The following INTU variants were observed in gnomAD, a reference collection of about 807,000 sequenced individuals.
The protein encoded by INTU is protein inturned.
INTU carries 68 observed loss-of-function variants against 100.5 expected under a neutral mutation model. The observed-to-expected ratio is 0.68, with a 90% CI of 0.56 to 0.83. The LOEUF is 0.83. Among genes scored for constraint, INTU ranks in the 40% least tolerant of loss-of-function variants. The pLI, the probability that INTU is intolerant of heterozygous loss-of-function variation, is 0.00. For synonymous variants in INTU, 357 were observed against 395.7 expected, an observed-to-expected ratio of 0.90 and a Z score of 1.16; for missense variants, 1,071 against 1,114.7, an observed-to-expected ratio of 0.96 and a Z score of 0.56.
rs1490156899 is a variant in INTU, at chr4:127,726,511, A to C, written c.*10075A>C. ...CTAAATCATACCTGCTACTGTACAA[A>C]ATGTAGGGGAAAAGCTGAGAAAAAT... On this transcript the variant is annotated 3_prime_UTR_variant, in exon 16 of 16. Coordinates refer to ENST00000335251, the MANE Select transcript of INTU (RefSeq NM_015693.4). 1 of 152,206 alleles carries C rather than the reference A, an allele frequency of 6.6e-6. No homozygotes were observed. Among genetic ancestry groups the C allele is most frequent in the East Asian group, 1.9e-4 (1 of 5,198 alleles). The allele number at this position is 152,206 out of a possible 1,614,324, so 9.4% of individuals were successfully genotyped here.
intron 3 of INTU, 97 bp downstream of exon 3, chr4:127,656,818 C>T: frequency 3.0e-6 from 2 of 662,358 alleles, no homozygotes; most frequent in Non-Finnish European, 2.5e-6. Context: ...TGAAAAGTAT[C>T]ATGTATAATG....
chr4:127,704,273 T>A lies in INTU; in HGVS notation c.1549T>A (p.Ser517Thr). The change falls in exon 10 of 16, where the codon TCT (serine) becomes ACT (threonine). Residue 517 changes from serine to threonine, a missense_variant. Ser to Thr is a moderately conservative substitution (Grantham distance 58). Coordinates refer to ENST00000335251, the MANE Select transcript of INTU (RefSeq NM_015693.4). ...GAGGCGGCTGTATACAATTTTGGGG[T>A]CTTCTCTATTTTACAAGGTAAGTTG... ...DMRRLYTILG[S>T]SLFYKGYLIC... The A allele has an allele frequency of 6.2e-7, 1 of 1,610,092 alleles. No homozygotes were observed. Among genetic ancestry groups the A allele is most frequent in the Non-Finnish European group, 8.5e-7 (1 of 1,177,814 alleles).
intron 6 of INTU, 63 bp from the exon 7 acceptor site, chr4:127,684,346 T>C: frequency 1.1e-6 from 1 of 896,366 alleles, no homozygotes; most frequent in Non-Finnish European, 1.8e-6. Flanking sequence ...GATGATCTAC[T>C]TCTTTTAGAT....
intron 6 of INTU, among the ~76,000 whole-genome samples, chr4:127,677,873 T>G (rs1729304927): frequency 6.6e-6 from 1 of 152,152 alleles, no homozygotes; most frequent in Non-Finnish European, 1.5e-5. Context: ...GATGAATGTA[T>G]AACTAGAATA....
chr4:127,643,785 A>C lies in INTU; in HGVS notation c.411A>C (p.Gly137=), dbSNP rs1297706144. ...RCNKKNSNDN[G]PVSILKHQSN... The stretch of plus-strand genomic sequence containing the variant: ...ATAAAAAAAATAGCAATGACAATGG[A>C]CCAGTATCCATTCTAAAGCATCAGT... The change falls in exon 2 of 16, where the codon GGA becomes GGC. Residue 137 remains glycine (G), a synonymous_variant. Coordinates refer to ENST00000335251, the MANE Select transcript of INTU (RefSeq NM_015693.4). 3.7e-6 allele frequency: 6 copies of C among 1,614,008 alleles called. No homozygotes were observed. The African/African-American group carries it at 6.7e-5, about 18-fold the overall frequency.
intron 8 of INTU, among the ~76,000 whole-genome samples, chr4:127,696,567 CT>C (rs1730395816): frequency 6.6e-6 from 1 of 150,806 alleles, no homozygotes; most frequent in Non-Finnish European, 1.5e-5. Context: ...TGTGTCCTCT[CT>C]ATTTTTATCT....
chr4:127,710,468 A>G (rs1215059956), intron 13 of INTU, among the ~76,000 whole-genome samples: 1 of 152,186 alleles, frequency 6.6e-6, no homozygotes, highest in African/African-American at 2.4e-5. Flanking sequence ...CTTTAATGCT[A>G]CTAACTTAAA....
chr4:127,704,850 G>A (rs910780154), intron 10 of INTU, among the ~76,000 whole-genome samples: 1 of 151,976 alleles, frequency 6.6e-6, no homozygotes, highest in Admixed American at 6.6e-5. Flanking sequence ...CACTTTGGGG[G>A]GCCGAGGCAG....
chr4:127,644,260 G>A (rs1228964056), intron 2 of INTU, among the ~76,000 whole-genome samples: 1 of 152,170 alleles, frequency 6.6e-6, no homozygotes, highest in African/African-American at 2.4e-5. Flanking sequence ...AGTGTGTTGA[G>A]TATGTGTGTG....
chr4:127,642,981 G>A (rs1489208578), intron 1 of INTU, among the ~76,000 whole-genome samples: 1 of 152,044 alleles, frequency 6.6e-6, no homozygotes, highest in East Asian at 1.9e-4. Context: ...ATGGTGAAGT[G>A]AATGTTTCTT....
In INTU at chr4:127,643,757, G is replaced by A; in HGVS notation, c.383G>A (p.Cys128Tyr). 6.2e-7 allele frequency: 1 copy of A among 1,612,886 alleles called. No individual in the cohort carries two copies. The highest frequency in any genetic ancestry group is 2.2e-5 in the East Asian group (1 of 44,878). ...LRRKRLLPKR[C>Y]NKKNSNDNGP... ...AGGAAAAGACTTTTACCCAAGCGCT[G>A]CAATAAAAAAAATAGCAATGACAAT... Residue 128 changes from cysteine to tyrosine, a missense_variant, in exon 2 of 16, where the codon TGC becomes TAC. Cys to Tyr is a radical substitution (Grantham distance 194). Coordinates refer to ENST00000335251, the MANE Select transcript of INTU (RefSeq NM_015693.4).
At chr4:127,703,116 C>T (rs1730720572) in intron 9 of INTU, among the ~76,000 whole-genome samples, 1 of 152,124 alleles carries the variant, frequency 6.6e-6, no homozygotes, top group Non-Finnish European at 1.5e-5. Context: ...CTGGCTTTAA[C>T]TTAGCATAAA....
chr4:127,690,744 G>A (rs530339616), intron 8 of INTU, among the ~76,000 whole-genome samples: 9 of 152,062 alleles, frequency 5.9e-5, no homozygotes, highest in South Asian at 2.1e-4. Flanking sequence ...GATTTCCCAC[G>A]TACCCCCTTC....
intron 8 of INTU, among the ~76,000 whole-genome samples, chr4:127,696,068 A>G (rs973862260): frequency 6.6e-6 from 1 of 152,012 alleles, no homozygotes; most frequent in Admixed American, 6.6e-5. Flanking sequence ...ATTTCTTTTT[A>G]GACATTGTTG....
intron 15 of INTU, 69 bp downstream of exon 15, chr4:127,714,162 T>G (rs1251350051): frequency 2.3e-6 from 3 of 1,284,118 alleles, no homozygotes; most frequent in African/African-American, 3.0e-5. Flanking sequence ...TAAAGGAGAT[T>G]AACATTTTAA....
In INTU at chr4:127,721,013, T is replaced by G. The variant is rs578085678; in HGVS notation, c.*4577T>G. On this transcript the variant is annotated 3_prime_UTR_variant, in exon 16 of 16. Transcript: ENST00000335251. ...ATGTGTGAATTTTATCCTGACATCATGATGCTAGTTGATTATTTTGCAGAC... is the reference window on the plus strand; with the variant it reads ...ATGTGTGAATTTTATCCTGACATCAGGATGCTAGTTGATTATTTTGCAGAC... 1 of 152,330 alleles carries G rather than the reference T, an allele frequency of 6.6e-6. No individual in the cohort carries two copies. The highest frequency in any genetic ancestry group is 2.4e-5 in the African/African-American group (1 of 41,586). 9.4% of individuals were successfully genotyped at this position (152,330 alleles called of 1,614,324 possible).
In INTU at chr4:127,718,077, A is replaced by T. The variant is rs1731294636; in HGVS notation, c.*1641A>T. On this transcript the variant is annotated 3_prime_UTR_variant, in exon 16 of 16. Transcript: ENST00000335251. Reference sequence around the variant, plus strand: ...ATCTTTGCCCATGCTCATGTCTTAAATGGTATTGCCTAGATTTTCTTCTAG... The same window carrying T: ...ATCTTTGCCCATGCTCATGTCTTAATTGGTATTGCCTAGATTTTCTTCTAG... 6.6e-6 allele frequency: 1 copy of T among 152,128 alleles called. No individual in the cohort carries two copies. The highest frequency in any genetic ancestry group is 1.5e-5 in the Non-Finnish European group (1 of 68,016). The allele number at this position is 152,128 out of a possible 1,614,324, so 9.4% of individuals were successfully genotyped here. A position where few individuals can be genotyped will look rare whatever the true frequency, so the allele number is the denominator to read the frequency against.
intron 9 of INTU, among the ~76,000 whole-genome samples, chr4:127,703,490 A>C (rs547507106): frequency 3.9e-5 from 6 of 152,158 alleles, no homozygotes; most frequent in Non-Finnish European, 8.8e-5. Flanking sequence ...ACCAACACAC[A>C]TGTATATAGT....
intron 6 of INTU, among the ~76,000 whole-genome samples, chr4:127,674,998 A>G (rs907446822): frequency 3.9e-5 from 6 of 152,326 alleles, no homozygotes; most frequent in African/African-American, 4.8e-5. Context: ...ATTCCCTAAC[A>G]TCATAGGACA....
Sources: gnomAD v4.1 joint callset for allele counts (sites outside exome capture counted in the v4.1 genomes callset) on GRCh38, gnomAD v4.1.1 for gene constraint, MANE v1.5 for transcripts, NCBI Gene and HGNC (gene_info 2026-07-23, HGNC 2026-07-21) for gene names.